Variants in E2F5 observed in about 807,000 individuals in gnomAD.
The protein encoded by E2F5 is E2F transcription factor 5, also known as transcription factor E2F5.
In E2F5, 23 loss-of-function variants were observed where a neutral mutation model predicts 39.1. The ratio of observed to expected loss-of-function variants is 0.59; its 90% CI spans 0.42 to 0.83. E2F5 has a LOEUF of 0.83. Ranked by LOEUF, E2F5 falls within the 40% of genes least tolerant of loss-of-function variation. E2F5 has a pLI of 0.00. For missense variants in E2F5, 365 were observed against 406.7 expected (o/e 0.90, Z 0.88); for synonymous variants, 145 against 157.8 (o/e 0.92, Z 0.61).
At chr8:85,207,272 T>A (rs2129743111) in intron 4 of E2F5, among the ~76,000 whole-genome samples, 153 bp from the exon 5 acceptor site, 1 of 152,358 alleles carries the variant, frequency 6.6e-6, no homozygotes, top group South Asian at 2.1e-4. Flanking sequence ...CAGTAGGTTG[T>A]GTATCCCCCA....
In E2F5 at chr8:85,177,249, C is replaced by T; in HGVS notation, c.-172C>T. 1 of 457,162 alleles carries T rather than the reference C, an allele frequency of 2.2e-6. No homozygotes were observed. Among genetic ancestry groups the T allele is most frequent in the Non-Finnish European group, 2.9e-6 (1 of 346,590 alleles). 28.3% of individuals were successfully genotyped at this position (457,162 alleles called of 1,614,324 possible). On this transcript the variant is annotated 5_prime_UTR_variant, in exon 1 of 8. Coordinates refer to ENST00000416274, the MANE Select transcript of E2F5 (RefSeq NM_001951.4). ...GGCGGAGGCCCGGCGTGACAAGCGG[C>T]CCAGACTCCCGTGGGCGCCGCACAC...
chr8:85,199,113 A>C (rs569979209), intron 1 of E2F5, among the ~76,000 whole-genome samples: 42 of 152,146 alleles, frequency 2.8e-4, no homozygotes, highest in African/African-American at 1.0e-3. Context: ...TGCATGGATT[A>C]TTGCCATCGC....
intron 3 of E2F5, among the ~76,000 whole-genome samples, chr8:85,205,668 A>G (rs1587498070): frequency 6.6e-6 from 1 of 151,944 alleles, no homozygotes; most frequent in East Asian, 1.9e-4. Flanking sequence ...CCTCCTGACC[A>G]CCTTGTTGTC....
intron 1 of E2F5, among the ~76,000 whole-genome samples, chr8:85,185,779 T>C (rs1460780254): frequency 6.6e-6 from 1 of 152,168 alleles, no homozygotes; most frequent in Non-Finnish European, 1.5e-5. Flanking sequence ...CACTGGTCAT[T>C]GGAAAAATGC....
chr8:85,202,132 G>A lies in E2F5; in HGVS notation c.235-15G>A, dbSNP rs1375515485. 1 of 1,602,524 alleles carries A rather than the reference G, an allele frequency of 6.2e-7. No individual in the cohort carries two copies. The highest frequency in any genetic ancestry group is 1.1e-5 in the South Asian group (1 of 89,640). On this transcript the variant is annotated splice_polypyrimidine_tract_variant and intron_variant, in intron 1 of 7. Coordinates refer to ENST00000416274, the MANE Select transcript of E2F5 (RefSeq NM_001951.4). ...TGCCCTTTATTTCACTGTTCTCGTT[G>A]TCTTTCCTGAACAGGCTGCTGATAC...
rs753113256 is a variant in E2F5, at chr8:85,177,662, C to T, written c.234+8C>T. ...GTTCTGGATCTCAAAGCGGTGAGCTCCGGAGGCGGGGACGGGGGCGGACTT... is the reference window on the plus strand; with the variant it reads ...GTTCTGGATCTCAAAGCGGTGAGCTTCGGAGGCGGGGACGGGGGCGGACTT... On this transcript the variant is annotated splice_region_variant and intron_variant, in intron 1 of 7. Transcript: ENST00000416274. 1 of 1,283,942 alleles carries T rather than the reference C, an allele frequency of 7.8e-7. No individual in the cohort carries two copies. Among genetic ancestry groups the T allele is most frequent in the Non-Finnish European group, 9.9e-7 (1 of 1,012,676 alleles). 79.5% of individuals were successfully genotyped at this position (1,283,942 alleles called of 1,614,324 possible). A position where few individuals can be genotyped will look rare whatever the true frequency, so the allele number is the denominator to read the frequency against.
At chr8:85,178,144 C>T (rs1812126351) in intron 1 of E2F5, 1 of 151,910 alleles carries the variant, frequency 6.6e-6, no homozygotes, top group African/African-American at 2.4e-5. Context: ...AAACAAAACC[C>T]AGTCTGCCAT....
intron 2 of E2F5, 118 bp from the exon 3 acceptor site, chr8:85,202,976 A>G: frequency 1.4e-6 from 1 of 714,426 alleles, no homozygotes; most frequent in Non-Finnish European, 2.0e-6. Context: ...TGATTTTAAG[A>G]GTGTAAAGAC....
chr8:85,180,703 G>A (rs1220864258), intron 1 of E2F5, among the ~76,000 whole-genome samples: 6 of 136,290 alleles, frequency 4.4e-5, no homozygotes, highest in Non-Finnish European at 9.3e-5. Context: ...TCAGCCTCCC[G>A]AGTAGCTGGG....
chr8:85,213,416 C>A (rs1199646272), intron 7 of E2F5: 1 of 160,676 alleles, frequency 6.2e-6, no homozygotes, highest in African/African-American at 2.4e-5. Flanking sequence ...GTGGCAGGCA[C>A]CTGTAGTCCC....
chr8:85,201,089 G>C (rs1220283847), intron 1 of E2F5, among the ~76,000 whole-genome samples: 1 of 152,212 alleles, frequency 6.6e-6, no homozygotes, highest in Non-Finnish European at 1.5e-5. Context: ...TGCCTGTACA[G>C]TGAATATAGC....
rs1429885000 is a variant in E2F5, at chr8:85,203,112, T to C, written c.363T>C (p.Cys121=). The C allele has an allele frequency of 6.4e-7, 1 of 1,562,714 alleles. No individual in the cohort carries two copies. The highest frequency in any genetic ancestry group is 8.7e-7 in the Non-Finnish European group (1 of 1,154,162). Residue 121 remains cysteine, a synonymous_variant, in exon 3 of 8, where the codon TGT becomes TGC. Coordinates refer to ENST00000416274, the MANE Select transcript of E2F5 (RefSeq NM_001951.4). The part of the protein sequence containing the change: ...SIQWKGVGAG[C]NTKEVIDRLR... ...TTTTAAGAGGTGTAGGTGCTGGCTG[T>C]AATACTAAAGAAGTCATAGATAGAT... is the stretch of plus-strand genomic sequence containing the variant.
At chr8:85,199,019 G>C (rs1812638310) in intron 1 of E2F5, among the ~76,000 whole-genome samples, 1 of 152,032 alleles carries the variant, frequency 6.6e-6, no homozygotes, top group Non-Finnish European at 1.5e-5. Context: ...CCTGCTGCTT[G>C]CCATACCTTC....
intron 1 of E2F5, among the ~76,000 whole-genome samples, chr8:85,184,727 CAA>C (rs1018566749): frequency 6.6e-6 from 1 of 152,132 alleles, no homozygotes; most frequent in Non-Finnish European, 1.5e-5. Context: ...CAGTAACAGA[CAA>C]AGAGCCAAAT....
At chr8:85,207,019 C>T (rs952165121) in intron 4 of E2F5, among the ~76,000 whole-genome samples, 1 of 152,102 alleles carries the variant, frequency 6.6e-6, no homozygotes, top group East Asian at 1.9e-4. Context: ...TAGAATTTGG[C>T]TTCAAAAATA....
At chr8:85,180,511 CATATATATATATATAT>C (rs58188216) in intron 1 of E2F5, among the ~76,000 whole-genome samples, 11,466 of 80,660 alleles carry the variant, frequency 0.14, 962 homozygotes, top group African/African-American at 0.19. Context: ...AGAAACTATA[CATATATATATATATAT>C]ATATATATAT....
At chr8:85,192,338 T>C (rs901998593) in intron 1 of E2F5, among the ~76,000 whole-genome samples, 39 of 152,138 alleles carry the variant, frequency 2.6e-4, no homozygotes, top group Admixed American at 6.6e-5. Context: ...CCTATCGGAA[T>C]TATAGGTTTG....
At position 85,214,325 on chromosome 8, in the gene E2F5, A is replaced by ATAAC. The variant is rs1378708055; in HGVS notation, c.*465_*468dup. The stretch of plus-strand genomic sequence containing the variant: ...AAGTGAAGGATGTAAACGAGGATAT[A>ATAAC]TAACTGTTTCAGTGAACAGATTTTG... On this transcript the variant is annotated 3_prime_UTR_variant, in exon 8 of 8. Transcript: ENST00000416274. The ATAAC allele has an allele frequency of 3.4e-6, 2 of 590,988 alleles. No individual in the cohort carries two copies. Among genetic ancestry groups the ATAAC allele is most frequent in the Non-Finnish European group, 6.0e-6 (2 of 331,036 alleles). The allele number at this position is 590,988 out of a possible 1,614,324, so 36.6% of individuals were successfully genotyped here.
intron 6 of E2F5, among the ~76,000 whole-genome samples, chr8:85,210,553 C>T (rs996140468): frequency 1.3e-5 from 2 of 151,892 alleles, no homozygotes; most frequent in Non-Finnish European, 2.9e-5. Context: ...TGGCGGCGCA[C>T]ACCTGTAGTC....
Sources: gnomAD v4.1 joint callset for allele counts (sites outside exome capture counted in the v4.1 genomes callset) on GRCh38, gnomAD v4.1.1 for gene constraint, MANE v1.5 for transcripts, NCBI Gene and HGNC (gene_info 2026-07-23, HGNC 2026-07-21) for gene names.